KCNAB2: variants seen among roughly 807,000 people sequenced by gnomAD.
KCNAB2 encodes the protein potassium voltage-gated channel subfamily A regulatory beta subunit 2.
Under a neutral mutation model 63.6 loss-of-function variants are expected in KCNAB2, and 29 were observed. The observed-to-expected ratio is 0.46, with a 90% CI of 0.34 to 0.62. The LOEUF (loss-of-function observed/expected upper bound fraction) is 0.62. KCNAB2 is among the 20% of genes least tolerant of loss of function. The pLI is 0.01. For synonymous variants in KCNAB2, 222 were observed against 224.2 expected (o/e 0.99, Z 0.09); for missense variants, 359 against 563.9 (o/e 0.64, Z 3.68).
intron 1 of KCNAB2, among the ~76,000 whole-genome samples, chr1:6,023,763 T>C (rs1222470715): frequency 6.6e-6 from 1 of 152,100 alleles, no homozygotes; most frequent in Non-Finnish European, 1.5e-5. Context: ...TGATAGTGCC[T>C]TCTATTTTTC....
chr1:6,041,397 C>T, upstream of KCNAB2: 1 of 196,498 alleles, frequency 5.1e-6, no homozygotes, highest in Non-Finnish European at 1.1e-5. Context: ...AAGGCAGTGT[C>T]TGTCCTAAGA....
chr1:6,092,033 T>G (rs1271401003), intron 10 of KCNAB2, among the ~76,000 whole-genome samples: 1 of 152,218 alleles, frequency 6.6e-6, no homozygotes, highest in Non-Finnish European at 1.5e-5. Flanking sequence ...TCGATCTCCC[T>G]GGGCCTGGGC....
intron 4 of KCNAB2, among the ~76,000 whole-genome samples, chr1:6,077,397 CGTG>C (rs929780948): frequency 1.3e-5 from 2 of 152,222 alleles, no homozygotes; most frequent in African/African-American, 4.8e-5. Context: ...CCCACAGTGC[CGTG>C]AGTCGCTCCC....
chr1:6,048,418 G>T (rs1184982679), intron 1 of KCNAB2, among the ~76,000 whole-genome samples: 1 of 152,200 alleles, frequency 6.6e-6, no homozygotes, highest in Non-Finnish European at 1.5e-5. Flanking sequence ...CCTCTGCCCA[G>T]CCTACCTCAC....
chr1:6,100,247 A>G lies in KCNAB2; in HGVS notation c.*1673A>G, dbSNP rs1208378779. On this transcript the variant is annotated 3_prime_UTR_variant, in exon 16 of 16. Coordinates refer to ENST00000378083, the MANE Select transcript of KCNAB2 (RefSeq NM_001199862.2). ...GGGAGGAGGGGGATCAGCTTCTGCT[A>G]TTACCGACCCCCCTTCATGCTGCCC... 10 of 644,380 alleles carry G rather than the reference A, an allele frequency of 1.6e-5. No homozygotes were observed. Among genetic ancestry groups the G allele is most frequent in the Non-Finnish European group, 2.1e-5 (9 of 419,178 alleles). The allele number at this position is 644,380 out of a possible 1,614,324, so 39.9% of individuals were successfully genotyped here.
chr1:6,051,371 C>G, intron 1 of KCNAB2, 140 bp from the exon 2 acceptor site: 2 of 992,056 alleles, frequency 2.0e-6, no homozygotes, highest in East Asian at 2.9e-5. Context: ...GGGCCGGGTC[C>G]CACTCCTAGA....
At chr1:6,025,069 T>C (rs1659057980) in intron 1 of KCNAB2, among the ~76,000 whole-genome samples, 3 of 152,134 alleles carry the variant, frequency 2.0e-5, no homozygotes, top group African/African-American at 7.2e-5. Context: ...CCTTCCTCCT[T>C]CTCCCTTCTC....
chr1:6,012,762 GAGAT>G (rs1164683481), intron 1 of KCNAB2, among the ~76,000 whole-genome samples: 5 of 151,892 alleles, frequency 3.3e-5, no homozygotes, highest in African/African-American at 9.7e-5. Context: ...GATGGTGACA[GAGAT>G]AGAGATGATT....
Position 6,003,812 on chromosome 1 carries a change from G to A in KCNAB2, c.-53+11024G>A, listed in dbSNP as rs186415168. Among the ~76,000 whole-genome samples, 1 of 152,334 alleles carries A rather than the reference G, an allele frequency of 6.6e-6. No individual in the cohort carries two copies. Among genetic ancestry groups the A allele is most frequent in the East Asian group, 1.9e-4 (1 of 5,190 alleles). The stretch of plus-strand genomic sequence containing the variant: ...TCATTTAAAAATGTTTTTGTCTGCT[G>A]GCTATGTGATTGCAGAGGCATGGCT... On this transcript the variant is annotated intron_variant, in intron 1 of 16. Transcript: ENST00000341524. The surrounding 1 kb of genome is among the most constrained non-coding windows in gnomAD (Gnocchi z 4.1).
intron 4 of KCNAB2, among the ~76,000 whole-genome samples, chr1:6,080,629 CGCCAGGCTGCCG>C (rs1190461313): frequency 9.2e-5 from 14 of 152,160 alleles, no homozygotes; most frequent in Non-Finnish European, 1.8e-4. Flanking sequence ...GTGCCAGTGT[CGCCAGGCTGCCG>C]GCCAGATTTC....
intron 1 of KCNAB2, among the ~76,000 whole-genome samples, chr1:6,004,913 A>G (rs1193712709): frequency 6.7e-6 from 1 of 148,274 alleles, no homozygotes; most frequent in African/African-American, 2.5e-5. Flanking sequence ...GGGATTGCAT[A>G]CAAGTGTTGC....
At position 6,099,925 on chromosome 1, in the gene KCNAB2, A is replaced by G. The variant is rs1418010143; in HGVS notation, c.*1351A>G. 6.5e-6 allele frequency: 10 copies of G among 1,550,304 alleles called. No homozygotes were observed. Among genetic ancestry groups the G allele is most frequent in the Non-Finnish European group, 8.7e-6 (10 of 1,146,896 alleles). ...AGTCTGCAGGTGCGGGGTGCCACCT[A>G]CAGGCCCAGGCCTGTGTCCCAAGCA... On this transcript the variant is annotated 3_prime_UTR_variant, in exon 16 of 16. Coordinates refer to ENST00000378083, the MANE Select transcript of KCNAB2 (RefSeq NM_001199862.2).
intron 1 of KCNAB2, among the ~76,000 whole-genome samples, chr1:5,998,333 G>A (rs1657049389): frequency 6.6e-6 from 1 of 152,238 alleles, no homozygotes; most frequent in Non-Finnish European, 1.5e-5. Context: ...GGGCTGCACA[G>A]ACTGAAAGAG....
chr1:6,008,558 G>A (rs983247551), intron 1 of KCNAB2, among the ~76,000 whole-genome samples: 22 of 151,626 alleles, frequency 1.5e-4, no homozygotes, highest in African/African-American at 5.3e-4. Flanking sequence ...GTGGCGTGGT[G>A]GAAGTTGCAA....
chr1:6,071,984 C>T lies in KCNAB2; in HGVS notation c.219-771C>T, dbSNP rs1663246615. ...GCAACCCTGCAGGCTCCTAGGCAAC[C>T]TGTGCCAGGACATACGGGCATGCCG... On this transcript the variant is annotated intron_variant, in intron 2 of 15. Coordinates refer to ENST00000378083, the MANE Select transcript of KCNAB2 (RefSeq NM_001199862.2). This position sits in a 1 kb window ranked among gnomAD's most constrained non-coding sequence, Gnocchi z 8.5. Among the ~76,000 whole-genome samples, 1 of 152,190 alleles carries T rather than the reference C, an allele frequency of 6.6e-6. No individual in the cohort carries two copies. The highest frequency in any genetic ancestry group is 1.5e-5 in the Non-Finnish European group (1 of 68,002).
chr1:6,048,598 T>C (rs1661133132), intron 1 of KCNAB2, among the ~76,000 whole-genome samples: 1 of 152,240 alleles, frequency 6.6e-6, no homozygotes, highest in African/African-American at 2.4e-5. Flanking sequence ...GGATTGCTTT[T>C]TGTGAGTAAT....
chr1:6,100,264 A>G lies in KCNAB2; in HGVS notation c.*1690A>G, dbSNP rs1665945859. ...CTTCTGCTATTACCGACCCCCCTTCATGCTGCCCCTGGCGCCTAGAACCCT... is the reference window on the plus strand; with the variant it reads ...CTTCTGCTATTACCGACCCCCCTTCGTGCTGCCCCTGGCGCCTAGAACCCT... On this transcript the variant is annotated 3_prime_UTR_variant, in exon 16 of 16. Transcript: ENST00000378083. 3.6e-6 allele frequency: 2 copies of G among 553,564 alleles called. No individual in the cohort carries two copies. Among genetic ancestry groups the G allele is most frequent in the African/African-American group, 1.9e-5 (1 of 52,574 alleles). The allele number at this position is 553,564 out of a possible 1,614,324, so 34.3% of individuals were successfully genotyped here. A position where few individuals can be genotyped will look rare whatever the true frequency, so the allele number is the denominator to read the frequency against.
At chr1:6,025,320 G>C (rs1659076277) in intron 1 of KCNAB2, among the ~76,000 whole-genome samples, 1 of 152,068 alleles carries the variant, frequency 6.6e-6, no homozygotes, top group African/African-American at 2.4e-5. Context: ...GACTCAACAC[G>C]GTGCAGGTGG....
At chr1:6,049,110 G>A (rs542657759) in intron 1 of KCNAB2, among the ~76,000 whole-genome samples, 1 of 152,350 alleles carries the variant, frequency 6.6e-6, no homozygotes, top group Non-Finnish European at 1.5e-5. Context: ...AGCAAGAGAG[G>A]ACGACCTGCA....
Sources: allele counts gnomAD v4.1 joint callset (sites outside exome capture counted in the v4.1 genomes callset), GRCh38; gene constraint gnomAD v4.1.1; non-coding constraint Gnocchi (gnomAD v3.1); transcripts MANE v1.5; gene names NCBI Gene and HGNC (gene_info 2026-07-23, HGNC 2026-07-21).